ALG8: variants seen among roughly 807,000 people sequenced by gnomAD.
ALG8 encodes the protein dolichyl pyrophosphate Glc1Man9GlcNAc2 alpha-1,3-glucosyltransferase.
ALG8 carries 48 observed loss-of-function variants against 70.2 expected under a neutral mutation model. That is an observed-to-expected ratio of 0.68 (90% CI 0.54 to 0.87). The LOEUF (loss-of-function observed/expected upper bound fraction) is 0.87. Among genes scored for constraint, ALG8 ranks in the 40% least tolerant of loss-of-function variants. ALG8 has a pLI of 0.00. For missense variants in ALG8, 572 were observed against 608.7 expected (o/e 0.94, Z 0.64); for synonymous variants, 234 against 229.0 (o/e 1.02, Z -0.20).
Position 78,139,515 on chromosome 11 carries a change from T to C in ALG8, c.74A>G (p.Lys25Arg), listed in dbSNP as rs1284945569. 6.4e-7 allele frequency: 1 copy of C among 1,561,658 alleles called. No homozygotes were observed. The highest frequency in any genetic ancestry group is 8.7e-7 in the Non-Finnish European group (1 of 1,152,332). ...TTACTATGTGGGGATGAGAAGGCAT[T>C]TGAGAAGAGTCACCCCGAGCGCCAA... ...SALALGVTLL[K>R]CLLIPTYHST... The change falls in exon 1 of 13, where the codon AAA becomes AGA. Residue 25 changes from lysine to arginine, a missense_variant. Transcript: ENST00000299626.
chr11:78,100,948 T>G lies in ALG8; in HGVS notation c.*16A>C, dbSNP rs755185258. 1.2e-6 allele frequency: 2 copies of G among 1,602,122 alleles called. No homozygotes were observed. Among genetic ancestry groups the G allele is most frequent in the Non-Finnish European group, 1.7e-6 (2 of 1,169,046 alleles). On this transcript the variant is annotated 3_prime_UTR_variant, in exon 13 of 13. Transcript: ENST00000299626. ...ATGAAATAATTGCTTGGCACATATC[T>G]AAGCAGTTCCTTTATTCATTGTTTC...
intron 4 of ALG8, among the ~76,000 whole-genome samples, chr11:78,119,818 A>T (rs1363257400): frequency 6.6e-6 from 1 of 152,114 alleles, no homozygotes; most frequent in Non-Finnish European, 1.5e-5. Flanking sequence ...TGAAACTTAC[A>T]TTTGGGGGTG....
intron 8 of ALG8, 45 bp from the exon 9 acceptor site, chr11:78,109,626 C>T: frequency 6.5e-7 from 1 of 1,533,598 alleles, no homozygotes; most frequent in Non-Finnish European, 9.0e-7. Context: ...ATCTTTATTA[C>T]TGAGATACCA....
At chr11:78,116,346 G>T (rs150535437) in intron 5 of ALG8, among the ~76,000 whole-genome samples, 212 of 152,022 alleles carry the variant, frequency 1.4e-3, no homozygotes, top group South Asian at 3.5e-3. Flanking sequence ...CTCCAGCCTG[G>T]GTGACAATGC....
At chr11:78,114,079 A>G in intron 6 of ALG8, 90 bp from the exon 7 acceptor site, 3 of 1,366,630 alleles carry the variant, frequency 2.2e-6, no homozygotes, top group Non-Finnish European at 3.1e-6. Flanking sequence ...GAAGTATCCC[A>G]CAATAGTATA....
chr11:78,124,070 T>C lies in ALG8; in HGVS notation c.319A>G (p.Arg107Gly), dbSNP rs1220733869. Residue 107 changes from arginine to glycine, a missense_variant, in exon 3 of 13, where the codon AGA becomes GGA. Physicochemically the swap from Arg to Gly is moderately radical, Grantham distance 125. Coordinates refer to ENST00000299626, the MANE Select transcript of ALG8 (RefSeq NM_024079.5). The stretch of plus-strand genomic sequence containing the variant: ...ACATCCATAAAGATGACGGAAAATC[T>C]CTGGAAAAGTAAGGTCCTTGAGCTG... ...YSSSRTLLFQ[R>G]FSVIFMDVLF... is the part of the protein sequence containing the mutation. The C allele has an allele frequency of 1.9e-6, 3 of 1,614,050 alleles. No homozygotes were observed. The highest frequency in any genetic ancestry group is 2.5e-6 in the Non-Finnish European group (3 of 1,180,022).
At chr11:78,118,759 C>T (rs1860694556) in intron 5 of ALG8, among the ~76,000 whole-genome samples, 1 of 151,878 alleles carries the variant, frequency 6.6e-6, no homozygotes, top group African/African-American at 2.4e-5. Flanking sequence ...CATGGCAAGA[C>T]CCTGTCTCTA....
intron 5 of ALG8, among the ~76,000 whole-genome samples, chr11:78,118,602 C>G (rs1312560449): frequency 2.6e-5 from 3 of 114,162 alleles, no homozygotes; most frequent in Non-Finnish European, 4.9e-5. Flanking sequence ...GGCGATAGAG[C>G]GAGACTCATT....
rs1305900148 is a variant in ALG8 at position 78,114,394 on chromosome 11, TAGG to T, written c.547-5_547-3del. 2 of 1,613,840 alleles carry T rather than the reference TAGG, an allele frequency of 1.2e-6. No homozygotes were observed. Among genetic ancestry groups the T allele is most frequent in the South Asian group, 2.2e-5 (2 of 91,068 alleles). On this transcript the variant is annotated splice_polypyrimidine_tract_variant and splice_region_variant and intron_variant, in intron 5 of 12. Coordinates refer to ENST00000299626, the MANE Select transcript of ALG8 (RefSeq NM_024079.5). ...AAATGCTCCTTCCATATGCCTTTTC[TAGG>T]AGATTTAAAAGGGAAATATCACTTT...
At position 78,139,495 on chromosome 11, in the gene ALG8, A is replaced by G; in HGVS notation, c.94T>C (p.Tyr32His). 1.3e-6 allele frequency: 2 copies of G among 1,557,230 alleles called. No homozygotes were observed. The highest frequency in any genetic ancestry group is 1.7e-6 in the Non-Finnish European group (2 of 1,149,918). Residue 32 changes from tyrosine (Y) to histidine (H), a missense_variant and splice_region_variant, in exon 1 of 13, where the codon TAC becomes CAC. Coordinates refer to ENST00000299626, the MANE Select transcript of ALG8 (RefSeq NM_024079.5). ...TLLKCLLIPT[Y>H]HSTDFEVHRN... Reference sequence around the variant, plus strand: ...CCCCTGGCCGTGCGAGTCCCTTACTATGTGGGGATGAGAAGGCATTTGAGA... The same window carrying G: ...CCCCTGGCCGTGCGAGTCCCTTACTGTGTGGGGATGAGAAGGCATTTGAGA...
At chr11:78,121,308 T>A (rs199913102) in intron 3 of ALG8, 134 bp from the exon 4 acceptor site, 1 of 712,394 alleles carries the variant, frequency 1.4e-6, no homozygotes, top group Non-Finnish European at 2.4e-6. Flanking sequence ...TTTTTTCCAA[T>A]TTTTCTTTTT....
intron 8 of ALG8, among the ~76,000 whole-genome samples, chr11:78,111,400 T>C (rs987537580): frequency 3.3e-5 from 5 of 152,200 alleles, no homozygotes; most frequent in African/African-American, 1.2e-4. Context: ...GTCTTTCGTA[T>C]AGTGAGGAAA....
intron 1 of ALG8, among the ~76,000 whole-genome samples, chr11:78,138,111 C>A (rs1300747791): frequency 1.3e-5 from 2 of 152,058 alleles, no homozygotes; most frequent in South Asian, 4.2e-4. Flanking sequence ...TATGGGAGGC[C>A]GAGGCAGGTG....
At chr11:78,125,577 C>A (rs1301320280) in intron 2 of ALG8, among the ~76,000 whole-genome samples, 1 of 146,258 alleles carries the variant, frequency 6.8e-6, no homozygotes, top group East Asian at 2.1e-4. Context: ...ACCAGCCTGA[C>A]CAACGTGGTG....
intron 1 of ALG8, 73 bp downstream of exon 1, chr11:78,139,421 C>T: frequency 2.8e-6 from 4 of 1,411,366 alleles, no homozygotes; most frequent in Admixed American, 2.0e-5. Flanking sequence ...CCAGGGATAT[C>T]CACACCTTTC....
intron 2 of ALG8, among the ~76,000 whole-genome samples, chr11:78,125,582 G>A (rs2510437): frequency 0.86 from 125,992 of 146,980 alleles, 54,307 homozygotes; most frequent in African/African-American, 0.93. Context: ...CCTGACCAAC[G>A]TGGTGAAACC....
At chr11:78,106,418 C>T (rs575148229) in intron 10 of ALG8, among the ~76,000 whole-genome samples, 8 of 152,226 alleles carry the variant, frequency 5.3e-5, no homozygotes, top group African/African-American at 1.2e-4. Flanking sequence ...AGGATAGTCT[C>T]GATCTCCTGA....
chr11:78,135,712 A>G (rs995472866), intron 1 of ALG8, among the ~76,000 whole-genome samples: 3 of 152,068 alleles, frequency 2.0e-5, no homozygotes, highest in African/African-American at 4.8e-5. Flanking sequence ...GCAGGGCATG[A>G]TGGTGTGCAC....
intron 5 of ALG8, among the ~76,000 whole-genome samples, chr11:78,118,181 A>C (rs1387542003): frequency 1.3e-5 from 2 of 152,166 alleles, no homozygotes; most frequent in Non-Finnish European, 1.5e-5. Context: ...AGGATTACAC[A>C]CAGTTCTTCT....
Sources: gnomAD v4.1 joint callset for allele counts (sites outside exome capture counted in the v4.1 genomes callset) on GRCh38, gnomAD v4.1.1 for gene constraint, MANE v1.5 for transcripts, NCBI Gene and HGNC (gene_info 2026-07-23, HGNC 2026-07-21) for gene names.